EPHA5: variants seen among roughly 807,000 people sequenced by gnomAD.
EPHA5 encodes EPH receptor A5, also known as ephrin type-A receptor 5.
In EPHA5, 60 loss-of-function variants were observed where a neutral mutation model predicts 105.0. That is an observed-to-expected ratio of 0.57 (90% CI 0.46 to 0.71). The LOEUF is 0.71. EPHA5 is among the 30% of genes least tolerant of loss of function. The pLI, the probability that EPHA5 is intolerant of heterozygous loss-of-function variation, is 0.00. For missense variants in EPHA5, 1,218 were observed against 1,274.7 expected (o/e 0.96, Z 0.68); for synonymous variants, 513 against 449.1 (o/e 1.14, Z -1.80).
At chr4:65,634,843 A>T (rs1746972160) in intron 2 of EPHA5, among the ~76,000 whole-genome samples, 1 of 151,994 alleles carries the variant, frequency 6.6e-6, no homozygotes, top group Admixed American at 6.6e-5. Flanking sequence ...TTCTTTCAGT[A>T]GGAAGCAAAG....
chr4:65,420,913 A>G (rs1446623656), intron 5 of EPHA5, among the ~76,000 whole-genome samples: 1 of 152,012 alleles, frequency 6.6e-6, no homozygotes, highest in African/African-American at 2.4e-5. Flanking sequence ...TATATGACAT[A>G]TCCCATTATG....
intron 3 of EPHA5, among the ~76,000 whole-genome samples, chr4:65,550,664 G>T (rs545124603): frequency 1.8e-4 from 28 of 151,844 alleles, no homozygotes; most frequent in Non-Finnish European, 3.5e-4. Context: ...GTGAAACCCC[G>T]TCTCTACTAA....
At chr4:65,459,127 C>T (rs1578163103) in intron 5 of EPHA5, among the ~76,000 whole-genome samples, 2 of 151,994 alleles carry the variant, frequency 1.3e-5, no homozygotes, top group East Asian at 3.9e-4. Flanking sequence ...TAAACTGGGG[C>T]CAATTTGTGT....
chr4:65,474,793 G>C (rs1333506577), intron 5 of EPHA5, among the ~76,000 whole-genome samples: 1 of 152,018 alleles, frequency 6.6e-6, no homozygotes, highest in African/African-American at 2.4e-5. Context: ...GCTCCCAAAA[G>C]TCAATCTTAA....
intron 16 of EPHA5, chr4:65,331,722 C>T: frequency 1.7e-6 from 2 of 1,192,912 alleles, no homozygotes; most frequent in Non-Finnish European, 1.0e-6. Flanking sequence ...AGTATTTTGC[C>T]AAGGAGCTGT....
At chr4:65,479,037 T>C (rs192486120) in intron 5 of EPHA5, among the ~76,000 whole-genome samples, 1 of 152,292 alleles carries the variant, frequency 6.6e-6, no homozygotes, top group East Asian at 1.9e-4. Context: ...AGTCTGTCTA[T>C]ATAATATTCA....
intron 3 of EPHA5, among the ~76,000 whole-genome samples, chr4:65,552,828 TA>T (rs1738053487): frequency 2.6e-5 from 4 of 152,306 alleles, no homozygotes; most frequent in African/African-American, 7.2e-5. Flanking sequence ...TTTACCTAAT[TA>T]AATGTAATCC....
chr4:65,566,429 C>T (rs920968641), intron 3 of EPHA5, among the ~76,000 whole-genome samples: 2 of 151,730 alleles, frequency 1.3e-5, no homozygotes, highest in Non-Finnish European at 3.0e-5. Context: ...TTTTGAAATA[C>T]CTTTCCATAT....
chr4:65,591,265 A>G (rs1231538926), intron 3 of EPHA5, among the ~76,000 whole-genome samples: 1 of 152,062 alleles, frequency 6.6e-6, no homozygotes, highest in African/African-American at 2.4e-5. Context: ...TTATATCTTC[A>G]TTTTTAGTAC....
At chr4:65,532,671 G>T (rs1294058480) in intron 3 of EPHA5, among the ~76,000 whole-genome samples, 254 of 107,658 alleles carry the variant, frequency 2.4e-3, no homozygotes, top group African/African-American at 8.4e-3. Flanking sequence ...ATTGGTTACA[G>T]TTTTTTTTTT....
intron 7 of EPHA5, among the ~76,000 whole-genome samples, chr4:65,406,169 T>A (rs1218304645): frequency 6.6e-6 from 1 of 152,192 alleles, no homozygotes; most frequent in African/African-American, 2.4e-5. Flanking sequence ...CTCTGCTGCT[T>A]ACAAGCCTAA....
At chr4:65,598,945 G>A (rs1743441732) in intron 3 of EPHA5, among the ~76,000 whole-genome samples, 1 of 152,090 alleles carries the variant, frequency 6.6e-6, no homozygotes, top group Non-Finnish European at 1.5e-5. Context: ...CCACTGAAGT[G>A]TATAAAGTGT....
chr4:65,333,597 T>C (rs112150928), intron 15 of EPHA5, among the ~76,000 whole-genome samples: 6 of 143,056 alleles, frequency 4.2e-5, no homozygotes, highest in South Asian at 2.2e-4. Context: ...CCCCTCAATC[T>C]CCTTTGCCTG....
chr4:65,641,560 T>C (rs1747669278), intron 2 of EPHA5, among the ~76,000 whole-genome samples: 1 of 152,202 alleles, frequency 6.6e-6, no homozygotes, highest in Admixed American at 6.5e-5. Context: ...ACTATCATTG[T>C]ATATACCTTG....
In EPHA5 at chr4:65,459,449, G is replaced by A. The variant is rs564366755; in HGVS notation, c.1402+30928C>T. On this transcript the variant is annotated intron_variant, in intron 5 of 16. Coordinates refer to ENST00000613740, the MANE Select transcript of EPHA5 (RefSeq NM_001281766.3). The stretch of plus-strand genomic sequence containing the variant: ...TTTTTGAGGATTTTAATATATCTTA[G>A]TATATATATAAATACTTTCATTTAC... Among the ~76,000 whole-genome samples, 88 of 151,776 alleles carry A rather than the reference G, an allele frequency of 5.8e-4. 1 individual carries two copies. In the South Asian group the frequency reaches 0.018, roughly 32 times the overall value.
chr4:65,442,418 C>A (rs970444910), intron 5 of EPHA5, among the ~76,000 whole-genome samples: 2 of 152,160 alleles, frequency 1.3e-5, no homozygotes, highest in African/African-American at 4.8e-5. Context: ...TGACCTTGAA[C>A]TTCCCAGTCC....
intron 3 of EPHA5, among the ~76,000 whole-genome samples, 178 bp from the exon 4 acceptor site, chr4:65,495,721 A>G (rs371925108): frequency 6.6e-6 from 1 of 152,210 alleles, no homozygotes; most frequent in African/African-American, 2.4e-5. Flanking sequence ...CATTCAAATA[A>G]TCAAATATTT....
intron 7 of EPHA5, among the ~76,000 whole-genome samples, chr4:65,409,457 G>C (rs1465922648): frequency 6.6e-6 from 1 of 151,928 alleles, no homozygotes; most frequent in Non-Finnish European, 1.5e-5. Context: ...TTTGCATCAT[G>C]CCTGGAAATT....
intron 3 of EPHA5, among the ~76,000 whole-genome samples, chr4:65,533,083 T>C (rs1224238063): frequency 3.9e-5 from 6 of 152,078 alleles, no homozygotes; most frequent in African/African-American, 1.4e-4. Context: ...CATCACCTAC[T>C]TCCCACTTCA....
Sources: gnomAD v4.1 joint callset for allele counts (sites outside exome capture counted in the v4.1 genomes callset) on GRCh38, gnomAD v4.1.1 for gene constraint, MANE v1.5 for transcripts, NCBI Gene and HGNC (gene_info 2026-07-23, HGNC 2026-07-21) for gene names.